Variants in CADM2 observed in about 807,000 individuals in gnomAD.
CADM2 encodes the protein cell adhesion molecule 2.
In CADM2, 12 loss-of-function variants were observed where a neutral mutation model predicts 49.8. The observed-to-expected ratio is 0.24, with a 90% CI of 0.15 to 0.39. The LOEUF (loss-of-function observed/expected upper bound fraction) is 0.39. CADM2 is among the 10% of genes least tolerant of loss of function. The pLI is 1.00. For synonymous variants in CADM2, 214 were observed against 175.4 expected (o/e 1.22, Z -1.74); for missense variants, 378 against 492.3 (o/e 0.77, Z 2.20).
intron 1 of CADM2, among the ~76,000 whole-genome samples, chr3:85,311,900 A>G (rs2107053139): frequency 6.6e-6 from 1 of 152,340 alleles, no homozygotes; most frequent in Non-Finnish European, 1.5e-5. Context: ...GGACATAAAA[A>G]GGAATAAAAG....
chr3:86,047,313 G>T (rs139159716), intron 8 of CADM2, among the ~76,000 whole-genome samples: 241 of 152,152 alleles, frequency 1.6e-3, no homozygotes, highest in Non-Finnish European at 3.1e-3. Context: ...AGTTACAATA[G>T]ACATATTGCA....
chr3:85,008,697 G>A (rs1483144959), intron 1 of CADM2, among the ~76,000 whole-genome samples: 3 of 151,980 alleles, frequency 2.0e-5, no homozygotes, highest in African/African-American at 7.2e-5. Context: ...AGAAAATTGA[G>A]GGATCAGATA....
intron 3 of CADM2, among the ~76,000 whole-genome samples, chr3:85,816,720 A>C (rs763480324): frequency 1.3e-5 from 2 of 152,202 alleles, no homozygotes; most frequent in Non-Finnish European, 1.5e-5. Flanking sequence ...TGACTGAAGT[A>C]CACAAAAATA....
chr3:85,447,520 A>G (rs2037524936), intron 1 of CADM2, among the ~76,000 whole-genome samples: 1 of 152,192 alleles, frequency 6.6e-6, no homozygotes, highest in Non-Finnish European at 1.5e-5. Flanking sequence ...GTCTACAGGA[A>G]GAATGATAAA....
chr3:84,999,038 A>T (rs140563690), intron 1 of CADM2, among the ~76,000 whole-genome samples: 1 of 152,308 alleles, frequency 6.6e-6, no homozygotes, highest in East Asian at 1.9e-4. Context: ...ATTACCACAG[A>T]TCCACAAAAA....
chr3:85,889,043 G>A, intron 5 of CADM2, among the ~76,000 whole-genome samples: 1 of 152,102 alleles, frequency 6.6e-6, no homozygotes, highest in Non-Finnish European at 1.5e-5. Context: ...TTGTTAAAAT[G>A]CCTCTCGATT....
At chr3:85,441,540 T>C (rs2037201017) in intron 1 of CADM2, among the ~76,000 whole-genome samples, 2 of 152,122 alleles carry the variant, frequency 1.3e-5, no homozygotes, top group Admixed American at 1.3e-4. Context: ...CTAACACTGC[T>C]TGGAAAGATA....
At chr3:85,882,850 A>C (rs1459818219) in intron 3 of CADM2, among the ~76,000 whole-genome samples, 1 of 152,170 alleles carries the variant, frequency 6.6e-6, no homozygotes, top group African/African-American at 2.4e-5. Flanking sequence ...TACTGCAGAG[A>C]GCTTGTAATA....
intron 2 of CADM2, among the ~76,000 whole-genome samples, chr3:85,777,764 T>C (rs2107979743): frequency 6.6e-6 from 1 of 152,306 alleles, no homozygotes; most frequent in South Asian, 2.1e-4. Context: ...TCTCAAATTG[T>C]CTAACATGTA....
At chr3:86,049,274 A>T (rs1291050700) in intron 8 of CADM2, among the ~76,000 whole-genome samples, 2 of 148,066 alleles carry the variant, frequency 1.4e-5, no homozygotes, top group African/African-American at 2.5e-5. Context: ...TTTTATTTTT[A>T]TTTTTTATTT....
intron 8 of CADM2, among the ~76,000 whole-genome samples, chr3:86,009,581 A>AT (rs912841563): frequency 2.0e-5 from 3 of 151,782 alleles, no homozygotes; most frequent in Admixed American, 2.0e-4. Flanking sequence ...ATGCTTTGCC[A>AT]TTTTTATCTT....
chr3:85,434,370 A>T (rs946682805), intron 1 of CADM2, among the ~76,000 whole-genome samples: 3 of 151,928 alleles, frequency 2.0e-5, no homozygotes, highest in African/African-American at 7.2e-5. Flanking sequence ...AACATATAGT[A>T]CTTATTAACT....
intron 1 of CADM2, among the ~76,000 whole-genome samples, chr3:85,106,349 G>A (rs1454194477): frequency 2.6e-5 from 4 of 152,190 alleles, no homozygotes; most frequent in Non-Finnish European, 5.9e-5. Flanking sequence ...TAGCACAAAA[G>A]GCAAATAGCT....
intron 1 of CADM2, among the ~76,000 whole-genome samples, chr3:85,426,817 G>A (rs941351160): frequency 1.3e-5 from 2 of 152,022 alleles, no homozygotes; most frequent in African/African-American, 4.8e-5. Flanking sequence ...ACAGGAACAT[G>A]AACATAGCTC....
At chr3:85,717,517 T>A (rs11708632) in intron 1 of CADM2, among the ~76,000 whole-genome samples, 26,982 of 152,182 alleles carry the variant, frequency 0.18, 2,994 homozygotes, top group Non-Finnish European at 0.24. Flanking sequence ...GGCCAGAACT[T>A]CCAATACTAT....
intron 1 of CADM2, among the ~76,000 whole-genome samples, chr3:85,098,252 C>G (rs942471876): frequency 3.1e-4 from 34 of 108,006 alleles, no homozygotes; most frequent in Non-Finnish European, 6.9e-4. Context: ...TGGACATTAT[C>G]GTAGAAAAAA....
chr3:85,090,320 T>A (rs1364683711), intron 1 of CADM2, among the ~76,000 whole-genome samples: 2 of 152,170 alleles, frequency 1.3e-5, no homozygotes, highest in Non-Finnish European at 2.9e-5. Flanking sequence ...TTTAGTTATA[T>A]GTATACTATC....
At chr3:85,126,786 T>C in intron 1 of CADM2, among the ~76,000 whole-genome samples, 1 of 152,188 alleles carries the variant, frequency 6.6e-6, no homozygotes, top group Non-Finnish European at 1.5e-5. Context: ...ATATCATTTT[T>C]ACTTATTTCA....
At chr3:85,317,961 T>C (rs1213287498) in intron 1 of CADM2, among the ~76,000 whole-genome samples, 3 of 152,172 alleles carry the variant, frequency 2.0e-5, no homozygotes, top group African/African-American at 7.2e-5. Context: ...TAGATATCCA[T>C]GCTAAATTTT....
Sources: gnomAD v4.1 joint callset for allele counts (sites outside exome capture counted in the v4.1 genomes callset) on GRCh38, gnomAD v4.1.1 for gene constraint, MANE v1.5 for transcripts, NCBI Gene and HGNC (gene_info 2026-07-23, HGNC 2026-07-21) for gene names.